Variants in CEP112 observed in about 807,000 individuals in gnomAD.
CEP112 encodes the protein centrosomal protein 112.
In CEP112, 127 loss-of-function variants were observed where a neutral mutation model predicts 153.0. The observed-to-expected ratio is 0.83, with a 90% CI of 0.72 to 0.96. The LOEUF (loss-of-function observed/expected upper bound fraction) is 0.96, where lower values mean the gene tolerates loss of function less well. CEP112 is among the 40% of genes least tolerant of loss of function. The probability of loss-of-function intolerance (pLI) is 0.00; values close to 1 mark genes in which losing one functional copy is unlikely to be tolerated. For missense variants in CEP112, 1,089 were observed against 1,101.2 expected (o/e 0.99, Z 0.16); for synonymous variants, 358 against 374.4 (o/e 0.96, Z 0.51).
At chr17:65,997,787 A>C (rs527607989) in intron 17 of CEP112, among the ~76,000 whole-genome samples, 126 of 12,584 alleles carry the variant, frequency 0.01, 3 homozygotes, top group Middle Eastern at 0.17. Flanking sequence ...CACACCCTAA[A>C]CATCCCCCCC....
In CEP112 at chr17:65,965,518, C is replaced by CCTTTTTT. The variant is rs1555734627; in HGVS notation, c.1737-3921_1737-3920insAAAAAAG. Among the ~76,000 whole-genome samples the CCTTTTTT allele has an allele frequency of 4.1e-5, 5 of 122,072 alleles. 1 individual carries two copies. The highest frequency in any genetic ancestry group is 1.7e-5 in the Non-Finnish European group (1 of 59,976). 80.1% of individuals were successfully genotyped at this position (122,072 alleles called of 152,430 possible). On this transcript the variant is annotated intron_variant, in intron 17 of 26. Coordinates refer to ENST00000535342, the MANE Select transcript of CEP112 (RefSeq NM_001199165.4). Reference sequence around the variant, plus strand: ...CTAATATTTAGAAACCTTCTGCCCCCTTTTTTTTTTTTTTTTTTCTTTGAG... The same window carrying CCTTTTTT: ...CTAATATTTAGAAACCTTCTGCCCCCCTTTTTTTTTTTTTTTTTTTTTTTTCTTTGAG...
At chr17:66,105,295 TA>T (rs1373300199) in intron 6 of CEP112, among the ~76,000 whole-genome samples, 7 of 151,552 alleles carry the variant, frequency 4.6e-5, no homozygotes, top group African/African-American at 1.5e-4. Context: ...GCACAAAAAA[TA>T]AAAACCAAGA....
chr17:65,894,700 T>A (rs1241843843), intron 20 of CEP112, among the ~76,000 whole-genome samples: 1 of 152,090 alleles, frequency 6.6e-6, no homozygotes, highest in Non-Finnish European at 1.5e-5. Flanking sequence ...GTAGGCCTCA[T>A]TGACCTAAAA....
At chr17:65,962,944 A>C (rs1047072356) in intron 17 of CEP112, among the ~76,000 whole-genome samples, 32 of 152,214 alleles carry the variant, frequency 2.1e-4, no homozygotes, top group African/African-American at 7.5e-4. Context: ...GTGAAAATGG[A>C]CTAATACAGA....
intron 21 of CEP112, among the ~76,000 whole-genome samples, chr17:65,754,160 T>A (rs569025194): frequency 2.2e-4 from 34 of 152,296 alleles, no homozygotes; most frequent in African/African-American, 7.9e-4. Flanking sequence ...TTTATAATTT[T>A]AAAAATACTG....
intron 16 of CEP112, among the ~76,000 whole-genome samples, chr17:66,010,775 T>C (rs990478172): frequency 4.6e-5 from 7 of 152,216 alleles, no homozygotes; most frequent in Non-Finnish European, 1.0e-4. Flanking sequence ...GATTTGCATA[T>C]GTTGAGTCAA....
intron 21 of CEP112, among the ~76,000 whole-genome samples, chr17:65,829,081 T>C (rs2056970043): frequency 6.6e-6 from 1 of 152,176 alleles, no homozygotes; most frequent in African/African-American, 2.4e-5. Flanking sequence ...AATTTAAAAT[T>C]ACGCTTGGTA....
At chr17:66,164,535 C>T (rs2071849372) in intron 4 of CEP112, among the ~76,000 whole-genome samples, 4 of 124,260 alleles carry the variant, frequency 3.2e-5, no homozygotes, top group African/African-American at 9.5e-5. Context: ...CCAGCCTGGG[C>T]GACAGTGCGA....
intron 21 of CEP112, among the ~76,000 whole-genome samples, chr17:65,821,498 A>T (rs1440176119): frequency 6.7e-5 from 8 of 120,124 alleles, no homozygotes; most frequent in African/African-American, 2.0e-4. Flanking sequence ...ATATATAATT[A>T]TATATATATA....
Position 66,031,434 on chromosome 17 carries a change from A to G in CEP112, c.1219-1411T>C, listed in dbSNP as rs184651725. On this transcript the variant is annotated intron_variant, in intron 12 of 26. Transcript: ENST00000535342. ...AAAAGAGTAGCTTGCAGCAGATCAC[A>G]ATCCCAATGCTAACAACTGAAAAAC... 2.6e-3 allele frequency among the ~76,000 whole-genome samples: 390 copies of G among 150,084 alleles called. 5 individuals carry two copies. Among genetic ancestry groups the G allele is most frequent in the African/African-American group, 8.8e-3 (359 of 40,718 alleles).
intron 1 of CEP112, among the ~76,000 whole-genome samples, chr17:66,184,028 T>C (rs907420166): frequency 1.1e-4 from 16 of 152,068 alleles, no homozygotes; most frequent in African/African-American, 3.6e-4. Flanking sequence ...GCAGGAGGAA[T>C]GCTTGAGCTC....
At chr17:65,717,300 C>T (rs1173260535) in intron 23 of CEP112, among the ~76,000 whole-genome samples, 6 of 152,034 alleles carry the variant, frequency 3.9e-5, no homozygotes, top group Non-Finnish European at 8.8e-5. Flanking sequence ...GCTAGATGGG[C>T]GGTATTCAGC....
Position 66,100,409 on chromosome 17 carries a change from G to GA in CEP112, c.643-3778dup, listed in dbSNP as rs35510367. ...AGTGAGATTCCCGTCTCAAAAAACA[G>GA]AAAAAAAAAAAAAAAAAGAGTTGTC... On this transcript the variant is annotated intron_variant, in intron 6 of 26. Coordinates refer to ENST00000535342, the MANE Select transcript of CEP112 (RefSeq NM_001199165.4). Among the ~76,000 whole-genome samples, 703 of 118,380 alleles carry GA rather than the reference G, an allele frequency of 5.9e-3. 7 individuals are homozygous for GA. Among genetic ancestry groups the GA allele is most frequent in the African/African-American group, 0.021 (668 of 32,076 alleles). 77.7% of individuals were successfully genotyped at this position (118,380 alleles called of 152,430 possible). A position where few individuals can be genotyped will look rare whatever the true frequency, so the allele number is the denominator to read the frequency against.
intron 23 of CEP112, 100 bp from the exon 24 acceptor site, chr17:65,689,318 T>G: frequency 1.1e-5 from 8 of 745,580 alleles, no homozygotes; most frequent in Non-Finnish European, 1.8e-5. Context: ...GATCTCTAGT[T>G]TATTACTCTT....
At chr17:65,799,264 A>T (rs1194310760) in intron 21 of CEP112, among the ~76,000 whole-genome samples, 1 of 152,134 alleles carries the variant, frequency 6.6e-6, no homozygotes, top group Non-Finnish European at 1.5e-5. Context: ...CAATAGAAAC[A>T]CTTTCCTCTT....
chr17:66,075,964 A>G (rs2067478084), intron 8 of CEP112, among the ~76,000 whole-genome samples: 1 of 152,186 alleles, frequency 6.6e-6, no homozygotes, highest in African/African-American at 2.4e-5. Context: ...TCTGGTTTGC[A>G]GGAGACATTT....
At chr17:66,117,140 C>T (rs767263130) in intron 6 of CEP112, among the ~76,000 whole-genome samples, 5 of 152,014 alleles carry the variant, frequency 3.3e-5, no homozygotes, top group East Asian at 1.9e-4. Context: ...ATGATCCACT[C>T]GCCTCAATCT....
intron 21 of CEP112, among the ~76,000 whole-genome samples, chr17:65,767,771 C>T (rs2145471152): frequency 6.6e-6 from 1 of 151,976 alleles, no homozygotes; most frequent in Admixed American, 6.6e-5. Context: ...AGTTGATCAT[C>T]TAGGGTAAAC....
intron 16 of CEP112, among the ~76,000 whole-genome samples, chr17:66,021,646 G>C (rs146309131): frequency 6.6e-6 from 1 of 152,242 alleles, no homozygotes; most frequent in East Asian, 1.9e-4. Flanking sequence ...AGAGAACTTG[G>C]TGCAGCAGTG....
Sources: gnomAD v4.1 joint callset for allele counts (sites outside exome capture counted in the v4.1 genomes callset) on GRCh38, gnomAD v4.1.1 for gene constraint, MANE v1.5 for transcripts, NCBI Gene and HGNC (gene_info 2026-07-23, HGNC 2026-07-21) for gene names.